CACNA1C: variants seen among roughly 807,000 people sequenced by gnomAD.
CACNA1C encodes calcium voltage-gated channel subunit alpha1 C, also known as voltage-dependent L-type calcium channel subunit alpha-1C.
A neutral mutation model predicts 229.0 loss-of-function variants in CACNA1C; 30 were observed. The ratio of observed to expected loss-of-function variants is 0.13; its 90% confidence interval spans 0.10 to 0.18. The LOEUF is 0.18. CACNA1C is among the 10% of genes least tolerant of loss of function. The pLI is 1.00. For synonymous variants in CACNA1C, 1,114 were observed against 1,132.5 expected (o/e 0.98, Z 0.33); for missense variants, 1,658 against 2,845.0 (o/e 0.58, Z 9.49).
In CACNA1C at chr12:2,677,054, G is replaced by T; in HGVS notation, c.4829-40G>T. ...GAATGAAGTTCAACTGAATTCCCCT[G>T]CTCCCCTCTTACCCCCTCTCCCCTC... On this transcript the variant is annotated intron_variant, in intron 39 of 46. Transcript: ENST00000399655. This position sits in a 1 kb window ranked among gnomAD's most constrained non-coding sequence, Gnocchi z 7.4. 6.4e-7 allele frequency: 1 copy of T among 1,565,584 alleles called. No individual in the cohort carries two copies. Among genetic ancestry groups the T allele is most frequent in the Admixed American group, 1.7e-5 (1 of 58,320 alleles).
At chr12:2,579,431 G>A (rs1417311202) in intron 13 of CACNA1C, among the ~76,000 whole-genome samples, 1 of 152,076 alleles carries the variant, frequency 6.6e-6, no homozygotes, top group Non-Finnish European at 1.5e-5. Context: ...ATTGGCAGGT[G>A]TTGGACTGGT....
chr12:2,423,590 A>G (rs552953109), intron 3 of CACNA1C, among the ~76,000 whole-genome samples: 87 of 152,322 alleles, frequency 5.7e-4, no homozygotes, highest in Non-Finnish European at 3.2e-4. Flanking sequence ...AGTGAGTGGT[A>G]GAGGTGGTGG....
intron 1 of CACNA1C, among the ~76,000 whole-genome samples, chr12:1,976,180 A>C (rs1189286174): frequency 6.6e-6 from 1 of 152,218 alleles, no homozygotes; most frequent in Non-Finnish European, 1.5e-5. Context: ...TTTGGATTAA[A>C]GGTCACAGTG....
Position 2,585,381 on chromosome 12 carries a change from C to A in CACNA1C, c.2345C>A (p.Ala782Asp). The change falls in exon 17 of 47, where the codon GCC (alanine) becomes GAC (aspartate). Residue 782 changes from alanine (A) to aspartate (D), a missense_variant. Physicochemically the swap from Ala to Asp is moderately radical, Grantham distance 126. Coordinates refer to ENST00000399655, the MANE Select transcript of CACNA1C (RefSeq NM_000719.7). This position sits in a 1 kb window ranked among gnomAD's most constrained non-coding sequence, Gnocchi z 4.1. ...TTCTGCTGCTGACTGGCCAGGACTG[C>A]CAGCCCAGAGAAGAAACAAGAGTTG... ...EKERKKLART[A>D]SPEKKQELVE... is the part of the protein sequence containing the mutation. 1 of 1,612,256 alleles carries A rather than the reference C, an allele frequency of 6.2e-7. No individual in the cohort carries two copies. Among genetic ancestry groups the A allele is most frequent in the Non-Finnish European group, 8.5e-7 (1 of 1,179,150 alleles).
Position 2,215,716 on chromosome 12 carries a change from G to A in CACNA1C, c.477+95286G>A, listed in dbSNP as rs112657622. Reference sequence around the variant, plus strand: ...TTCTCTCCCAAACAGGCCAGTCCTTGGAGCTGCTGCCATGGCTTCAGCTTC... The same window carrying A: ...TTCTCTCCCAAACAGGCCAGTCCTTAGAGCTGCTGCCATGGCTTCAGCTTC... On this transcript the variant is annotated intron_variant, in intron 3 of 46. Transcript: ENST00000399655. The surrounding 1 kb of genome is among the most constrained non-coding windows in gnomAD (Gnocchi z 5.0). 3.9e-5 allele frequency among the ~76,000 whole-genome samples: 6 copies of A among 152,340 alleles called. No homozygotes were observed. Among genetic ancestry groups the A allele is most frequent in the African/African-American group, 1.4e-4 (6 of 41,580 alleles).
intron 3 of CACNA1C, among the ~76,000 whole-genome samples, chr12:2,203,423 T>C (rs2097657708): frequency 6.6e-6 from 1 of 152,152 alleles, no homozygotes; most frequent in South Asian, 2.1e-4. Context: ...CTTGAAGGTT[T>C]AGGATCCTTG....
At chr12:2,051,223 A>C (rs1343322921), upstream of CACNA1C, among the ~76,000 whole-genome samples, 1 of 152,160 alleles carries the variant, frequency 6.6e-6, no homozygotes, top group Admixed American at 6.5e-5. Flanking sequence ...AGGCAGTGGG[A>C]ATAGCTAGAG....
At chr12:2,491,475 G>A (rs1568001124) in intron 6 of CACNA1C, among the ~76,000 whole-genome samples, 1 of 151,202 alleles carries the variant, frequency 6.6e-6, no homozygotes, top group Non-Finnish European at 1.5e-5. Context: ...AAATGACAGA[G>A]GAGGAAGAGG....
chr12:2,361,187 C>G (rs899312090), intron 3 of CACNA1C, among the ~76,000 whole-genome samples: 1 of 151,562 alleles, frequency 6.6e-6, no homozygotes, highest in Non-Finnish European at 1.5e-5. Context: ...AAAAAAGCTC[C>G]AATATCAATT....
intron 45 of CACNA1C, among the ~76,000 whole-genome samples, chr12:2,687,219 G>A (rs1036677078): frequency 3.3e-5 from 5 of 152,232 alleles, no homozygotes; most frequent in African/African-American, 1.2e-4. Context: ...CCATGGGCAG[G>A]GGCAGGAGGT....
At chr12:2,069,495 C>T (rs2238018) in intron 1 of CACNA1C, among the ~76,000 whole-genome samples, 36,084 of 151,988 alleles carry the variant, frequency 0.24, 4,572 homozygotes, top group African/African-American at 0.34. Flanking sequence ...GCAGTGTGAC[C>T]GAGCTTGTAA....
intron 3 of CACNA1C, among the ~76,000 whole-genome samples, chr12:2,415,344 A>G (rs192568319): frequency 5.9e-4 from 89 of 152,096 alleles, no homozygotes; most frequent in African/African-American, 2.1e-3. Flanking sequence ...TACGTTTCCA[A>G]ACTTGAGCCT....
At chr12:2,635,895 C>G (rs216023) in intron 30 of CACNA1C, among the ~76,000 whole-genome samples, 1 of 152,078 alleles carries the variant, frequency 6.6e-6, no homozygotes, top group Non-Finnish European at 1.5e-5. Context: ...TATGTGCACT[C>G]TCTCTTAACT....
intron 3 of CACNA1C, among the ~76,000 whole-genome samples, chr12:2,257,418 T>G (rs1601038340): frequency 1.3e-5 from 2 of 152,192 alleles, no homozygotes; most frequent in Admixed American, 1.3e-4. Flanking sequence ...GGGATGGTTT[T>G]GGGATGAAAT....
intron 3 of CACNA1C, among the ~76,000 whole-genome samples, chr12:2,264,624 C>T (rs946470057): frequency 2.0e-5 from 3 of 152,192 alleles, no homozygotes; most frequent in Non-Finnish European, 2.9e-5. Flanking sequence ...AACCCTCTTC[C>T]ACATGGGTTT....
At chr12:2,265,235 G>A (rs1321069806) in intron 3 of CACNA1C, among the ~76,000 whole-genome samples, 1 of 152,198 alleles carries the variant, frequency 6.6e-6, no homozygotes, top group African/African-American at 2.4e-5. Context: ...TACCGCAAAT[G>A]TCTGGCTATC....
intron 5 of CACNA1C, among the ~76,000 whole-genome samples, chr12:2,471,981 ATAT>A (rs1335839942): frequency 6.6e-6 from 1 of 152,118 alleles, no homozygotes; most frequent in Non-Finnish European, 1.5e-5. Flanking sequence ...GCCTGGCCTG[ATAT>A]TATTGTTATT....
rs1036047663 is a variant in CACNA1C at position 2,504,237 on chromosome 12, C to T, written c.1114-605C>T. ...CAGAGTGATTCCTCTTGAGGCAGAG[C>T]GGGCCGAGGTCCCCTTCGGTCACAG... On this transcript the variant is annotated intron_variant, in intron 7 of 46. Transcript: ENST00000399655. This position sits in a 1 kb window ranked among gnomAD's most constrained non-coding sequence, Gnocchi z 6.8. Among the ~76,000 whole-genome samples the T allele has an allele frequency of 1.3e-5, 2 of 152,104 alleles. No homozygotes were observed. The highest frequency in any genetic ancestry group is 2.4e-5 in the African/African-American group (1 of 41,412).
At chr12:2,663,905 C>A (rs972977355) in intron 34 of CACNA1C, among the ~76,000 whole-genome samples, 5 of 152,066 alleles carry the variant, frequency 3.3e-5, no homozygotes, top group African/African-American at 4.8e-5. Flanking sequence ...CCGCGCCCGG[C>A]TAATTTTTGT....
Sources: gnomAD v4.1 joint callset for allele counts (sites outside exome capture counted in the v4.1 genomes callset) on GRCh38, gnomAD v4.1.1 for gene constraint, Gnocchi (gnomAD v3.1) non-coding constraint, MANE v1.5 for transcripts, NCBI Gene and HGNC (gene_info 2026-07-23, HGNC 2026-07-21) for gene names.